ZNF536: variants seen among roughly 807,000 people sequenced by gnomAD.
The protein encoded by ZNF536 is zinc finger protein 536.
Under a neutral mutation model 84.5 loss-of-function variants are expected in ZNF536, and 13 were observed. That is an observed-to-expected ratio of 0.15 (90% CI 0.10 to 0.24). The LOEUF is 0.24. Ranked by LOEUF, ZNF536 falls within the 10% of genes least tolerant of loss-of-function variation. The pLI is 1.00. For missense variants in ZNF536, 1,536 were observed against 1,747.5 expected (o/e 0.88, Z 2.16); for synonymous variants, 811 against 742.5 (o/e 1.09, Z -1.50).
intron 2 of ZNF536, among the ~76,000 whole-genome samples, chr19:30,520,328 C>T (rs889807805): frequency 9.2e-5 from 14 of 152,058 alleles, no homozygotes; most frequent in African/African-American, 3.4e-4. Context: ...AAGCCCCCAG[C>T]GTGTAGGACT....
At chr19:30,334,536 G>A (rs1162624086) in intron 2 of ZNF536, among the ~76,000 whole-genome samples, 1 of 152,152 alleles carries the variant, frequency 6.6e-6, no homozygotes, top group Non-Finnish European at 1.5e-5. Context: ...ACCCATCGCT[G>A]GGAGCCCACA....
chr19:30,274,748 G>A (rs190659250), intron 1 of ZNF536, among the ~76,000 whole-genome samples: 16 of 152,240 alleles, frequency 1.1e-4, no homozygotes, highest in Non-Finnish European at 2.1e-4. Flanking sequence ...CTGAACATTC[G>A]AGTGATATTT....
chr19:30,419,743 G>A (rs1008258524), intron 1 of ZNF536, among the ~76,000 whole-genome samples: 3 of 152,196 alleles, frequency 2.0e-5, no homozygotes, highest in South Asian at 2.1e-4. Flanking sequence ...AGCACGCTCC[G>A]TCTCCTGATG....
chr19:30,315,877 A>G (rs762368585), intron 2 of ZNF536, among the ~76,000 whole-genome samples: 36 of 152,326 alleles, frequency 2.4e-4, no homozygotes, highest in Middle Eastern at 6.8e-3. Flanking sequence ...ATGAGATCTT[A>G]CTATACATAT....
At chr19:30,271,907 C>G (rs539501640) in intron 1 of ZNF536, among the ~76,000 whole-genome samples, 1 of 152,264 alleles carries the variant, frequency 6.6e-6, no homozygotes, top group African/African-American at 2.4e-5. Context: ...ACAAGAATAA[C>G]AAAAACCCCT....
At chr19:30,360,048 C>G (rs554757161) in intron 3 of ZNF536, among the ~76,000 whole-genome samples, 3 of 152,344 alleles carry the variant, frequency 2.0e-5, no homozygotes. Context: ...CAGCTTCCCC[C>G]ATATGAAGAG....
At chr19:30,367,921 C>T (rs542100079), upstream of ZNF536, among the ~76,000 whole-genome samples, 17 of 152,308 alleles carry the variant, frequency 1.1e-4, no homozygotes, top group Admixed American at 9.2e-4. Flanking sequence ...GCTGTGGGCT[C>T]TCCAAGGCTA....
At chr19:30,590,990 T>C (rs1490731785) in intron 1 of ZNF536, among the ~76,000 whole-genome samples, 4 of 152,228 alleles carry the variant, frequency 2.6e-5, no homozygotes, top group Non-Finnish European at 5.9e-5. Context: ...CACTGGCCTG[T>C]GCATGGCCCA....
chr19:30,230,476 C>T (rs556302385), intron 1 of ZNF536, among the ~76,000 whole-genome samples: 5 of 152,166 alleles, frequency 3.3e-5, no homozygotes, highest in Non-Finnish European at 7.3e-5. Flanking sequence ...TGGAGATCTT[C>T]GCAACTCAGC....
intron 1 of ZNF536, among the ~76,000 whole-genome samples, chr19:30,407,966 G>A (rs1336154283): frequency 1.3e-5 from 2 of 152,182 alleles, no homozygotes; most frequent in Non-Finnish European, 2.9e-5. Context: ...TGAGAGGAAA[G>A]TGGCCGTCAT....
At chr19:30,252,995 G>T (rs1002508384) in intron 1 of ZNF536, among the ~76,000 whole-genome samples, 2 of 152,216 alleles carry the variant, frequency 1.3e-5, no homozygotes, top group Admixed American at 6.5e-5. Context: ...GATGGTGATG[G>T]TGATGGTGAT....
At chr19:30,701,458 AACACACAAACACACACAGAC>A (rs1302444865) in intron 1 of ZNF536, among the ~76,000 whole-genome samples, 3 of 120,090 alleles carry the variant, frequency 2.5e-5, no homozygotes, top group Non-Finnish European at 5.4e-5. Flanking sequence ...CAGAAACACA[AACACACAAACACACACAGAC>A]ACACACAAAC....
At chr19:30,237,385 C>T (rs2023610472) in intron 1 of ZNF536, among the ~76,000 whole-genome samples, 1 of 152,084 alleles carries the variant, frequency 6.6e-6, no homozygotes, top group African/African-American at 2.4e-5. Context: ...GCCAGGCAGC[C>T]TGGGGAGGCT....
At position 30,294,721 on chromosome 19, in the gene ZNF536, G is replaced by A. The variant is rs952504980; in HGVS notation, c.-120+10580G>A. Among the ~76,000 whole-genome samples, 11 of 152,250 alleles carry A rather than the reference G, an allele frequency of 7.2e-5. No homozygotes were observed. The South Asian group carries it at 1.0e-3, about 14-fold the overall frequency. On this transcript the variant is annotated intron_variant, in intron 2 of 5. Transcript: ENST00000585628. ...CCTAGAGAAGGTTTTGGAAGTTTGC[G>A]GAATTCTTACAAGATACACCTGCCC...
intron 1 of ZNF536, among the ~76,000 whole-genome samples, chr19:30,269,669 A>G (rs558888021): frequency 3.9e-5 from 6 of 152,306 alleles, no homozygotes; most frequent in African/African-American, 1.4e-4. Context: ...TCCTCCTCCT[A>G]CTATGAATAT....
At chr19:30,485,219 G>A (rs980891349) in intron 2 of ZNF536, among the ~76,000 whole-genome samples, 4 of 152,042 alleles carry the variant, frequency 2.6e-5, no homozygotes, top group African/African-American at 9.7e-5. Context: ...ATCAGACCTT[G>A]TTAAGGTTCC....
intron 2 of ZNF536, among the ~76,000 whole-genome samples, chr19:30,320,120 C>A (rs2046807220): frequency 6.6e-6 from 1 of 152,078 alleles, no homozygotes; most frequent in Admixed American, 6.6e-5. Context: ...AAACATTTTA[C>A]CAACCTTGAT....
chr19:30,601,140 T>A (rs542541766), intron 1 of ZNF536, among the ~76,000 whole-genome samples: 73 of 152,308 alleles, frequency 4.8e-4, no homozygotes, highest in Non-Finnish European at 8.7e-4. Flanking sequence ...AGCCGGAAGA[T>A]ACCAGAGAGT....
intron 1 of ZNF536, among the ~76,000 whole-genome samples, chr19:30,633,639 G>C (rs1387692191): frequency 1.3e-5 from 2 of 152,190 alleles, no homozygotes; most frequent in Admixed American, 6.5e-5. Flanking sequence ...TTGTCTTTCT[G>C]TGTTTGGCAT....
Sources: allele counts gnomAD v4.1 joint callset (sites outside exome capture counted in the v4.1 genomes callset), GRCh38; gene constraint gnomAD v4.1.1; transcripts MANE v1.5; gene names NCBI Gene and HGNC (gene_info 2026-07-23, HGNC 2026-07-21).